LRRTM4: variants seen among roughly 807,000 people sequenced by gnomAD.
The protein encoded by LRRTM4 is leucine-rich repeat transmembrane neuronal protein 4.
Under a neutral mutation model 47.6 loss-of-function variants are expected in LRRTM4, and 25 were observed. The ratio of observed to expected loss-of-function variants is 0.53; its 90% CI spans 0.38 to 0.73. The LOEUF is 0.73. Among genes scored for constraint, LRRTM4 ranks in the 30% least tolerant of loss-of-function variants. LRRTM4 has a pLI of 0.00. For synonymous variants in LRRTM4, 311 were observed against 269.5 expected, an observed-to-expected ratio of 1.15 and a Z score of -1.51; for missense variants, 638 against 713.4, an observed-to-expected ratio of 0.89 and a Z score of 1.20.
chr2:77,289,686 G>T (rs1251622761), intron 3 of LRRTM4, among the ~76,000 whole-genome samples: 1 of 151,968 alleles, frequency 6.6e-6, no homozygotes, highest in Non-Finnish European at 1.5e-5. Context: ...TGGCTACAAT[G>T]TAGGCAGATT....
intron 3 of LRRTM4, among the ~76,000 whole-genome samples, chr2:76,943,021 G>A (rs1206478541): frequency 1.3e-5 from 2 of 152,050 alleles, no homozygotes; most frequent in African/African-American, 4.8e-5. Context: ...ATGATTTTGA[G>A]AATCATAAAT....
At chr2:76,819,230 T>C (rs1005533778) in intron 3 of LRRTM4, among the ~76,000 whole-genome samples, 1 of 146,390 alleles carries the variant, frequency 6.8e-6, no homozygotes, top group Non-Finnish European at 1.5e-5. Flanking sequence ...TTATATATAT[T>C]ATATCATAGA....
rs576426286 is a variant in LRRTM4 at position 77,098,972 on chromosome 2, A to T, written c.1552-350056T>A. 3.0e-4 allele frequency among the ~76,000 whole-genome samples: 46 copies of T among 152,122 alleles called. No individual in the cohort carries two copies. In the South Asian group the frequency reaches 7.9e-3, roughly 26 times the overall value. On this transcript the variant is annotated intron_variant, in intron 3 of 3. Transcript: ENST00000409884. ...GTTGGCAATAATATAAAAGTCTGAA[A>T]GTGTCAAATAATGGGGAGTAAGTGG...
chr2:77,077,956 A>G (rs1680392284), intron 3 of LRRTM4, among the ~76,000 whole-genome samples: 1 of 152,194 alleles, frequency 6.6e-6, no homozygotes, highest in African/African-American at 2.4e-5. Flanking sequence ...AGAGAGACAC[A>G]AAGAAGTAAT....
At chr2:76,762,185 A>G (rs1673283042) in intron 3 of LRRTM4, among the ~76,000 whole-genome samples, 1 of 152,182 alleles carries the variant, frequency 6.6e-6, no homozygotes, top group African/African-American at 2.4e-5. Context: ...ACTACAGAGC[A>G]TTACCTTTAC....
intron 3 of LRRTM4, among the ~76,000 whole-genome samples, chr2:77,478,559 T>C (rs755448686): frequency 7.9e-5 from 12 of 152,366 alleles, no homozygotes; most frequent in Non-Finnish European, 1.6e-4. Flanking sequence ...AATTTAGTGC[T>C]GAGCAAATTT....
intron 3 of LRRTM4, among the ~76,000 whole-genome samples, chr2:77,354,609 C>A (rs1671904071): frequency 6.6e-6 from 1 of 151,990 alleles, no homozygotes; most frequent in South Asian, 2.1e-4. Context: ...AGAAGCAGGA[C>A]CATGAAAGTA....
intron 3 of LRRTM4, among the ~76,000 whole-genome samples, chr2:76,911,813 G>GATTTGTGTGTGTGCCTGTGTGTGTGTAT (rs1348913908): frequency 6.6e-6 from 1 of 151,716 alleles, no homozygotes; most frequent in Admixed American, 6.6e-5. Flanking sequence ...TGAAAACAGT[G>GATTTGTGTGTGTGCCTGTGTGTGTGTAT]ATTTGTGTGT....
intron 3 of LRRTM4, among the ~76,000 whole-genome samples, chr2:77,049,401 T>C (rs1041609393): frequency 6.6e-6 from 1 of 151,702 alleles, no homozygotes; most frequent in Non-Finnish European, 1.5e-5. Context: ...GCTGTGCTAA[T>C]TTACATTCCC....
At chr2:77,088,857 C>G (rs1680821796) in intron 3 of LRRTM4, among the ~76,000 whole-genome samples, 1 of 152,072 alleles carries the variant, frequency 6.6e-6, no homozygotes, top group African/African-American at 2.4e-5. Flanking sequence ...TCTCCAACCT[C>G]CCTCACTATC....
At chr2:76,994,394 G>T (rs1677124806) in intron 3 of LRRTM4, among the ~76,000 whole-genome samples, 1 of 151,928 alleles carries the variant, frequency 6.6e-6, no homozygotes, top group Admixed American at 6.6e-5. Flanking sequence ...CCAATTTCAT[G>T]TGCAAGCATC....
At chr2:77,128,142 C>CA (rs112254712) in intron 3 of LRRTM4, among the ~76,000 whole-genome samples, 82,364 of 142,738 alleles carry the variant, frequency 0.58, 23,319 homozygotes, top group East Asian at 0.72. Context: ...GACTCTGTCT[C>CA]AAAAAAAAAA....
chr2:77,046,034 G>C (rs1223654757), intron 3 of LRRTM4, among the ~76,000 whole-genome samples: 1 of 151,806 alleles, frequency 6.6e-6, no homozygotes, highest in Non-Finnish European at 1.5e-5. Flanking sequence ...CAAATTCACT[G>C]TCTTAAAGAA....
At chr2:77,487,602 G>A (rs1013514608) in intron 3 of LRRTM4, among the ~76,000 whole-genome samples, 1 of 152,146 alleles carries the variant, frequency 6.6e-6, no homozygotes, top group Middle Eastern at 3.2e-3. Flanking sequence ...GCAGCAGGAG[G>A]CAGACAGGTT....
At chr2:77,377,769 T>C (rs1048826147) in intron 3 of LRRTM4, among the ~76,000 whole-genome samples, 4 of 152,052 alleles carry the variant, frequency 2.6e-5, no homozygotes, top group African/African-American at 9.6e-5. Context: ...TGTGATAAAT[T>C]ATATGAATAG....
At chr2:77,347,832 A>G (rs1293080902) in intron 3 of LRRTM4, among the ~76,000 whole-genome samples, 1 of 152,122 alleles carries the variant, frequency 6.6e-6, no homozygotes, top group Non-Finnish European at 1.5e-5. Flanking sequence ...TAAATCATCA[A>G]ATAATATGGC....
chr2:77,103,616 T>C (rs1671013985), intron 3 of LRRTM4, among the ~76,000 whole-genome samples: 1 of 149,722 alleles, frequency 6.7e-6, no homozygotes, highest in South Asian at 2.1e-4. Context: ...GCATTTTCAA[T>C]GTAATTCAGG....
intron 3 of LRRTM4, among the ~76,000 whole-genome samples, chr2:77,364,950 C>T (rs997081441): frequency 1.3e-5 from 2 of 148,908 alleles, no homozygotes; most frequent in Admixed American, 6.6e-5. Flanking sequence ...ACTTCCAAAA[C>T]AAACATTGAT....
intron 3 of LRRTM4, among the ~76,000 whole-genome samples, chr2:76,814,194 A>G (rs999272928): frequency 6.6e-6 from 1 of 152,092 alleles, no homozygotes; most frequent in Non-Finnish European, 1.5e-5. Flanking sequence ...TATTATTTCA[A>G]TTTGTTTATT....
Sources: gnomAD v4.1 joint callset for allele counts (sites outside exome capture counted in the v4.1 genomes callset) on GRCh38, gnomAD v4.1.1 for gene constraint, MANE v1.5 for transcripts, NCBI Gene and HGNC (gene_info 2026-07-23, HGNC 2026-07-21) for gene names.